FBXL7: variants seen among roughly 807,000 people sequenced by gnomAD.
The protein encoded by FBXL7 is F-box/LRR-repeat protein 7.
A neutral mutation model predicts 38.3 loss-of-function variants in FBXL7; 12 were observed. The observed-to-expected ratio is 0.31, with a 90% CI of 0.20 to 0.51. The LOEUF (loss-of-function observed/expected upper bound fraction) is 0.51. Ranked by LOEUF, FBXL7 falls within the 20% of genes least tolerant of loss-of-function variation. The pLI, the probability that FBXL7 is intolerant of heterozygous loss-of-function variation, is 0.98. For missense variants in FBXL7, 567 were observed against 676.4 expected, an observed-to-expected ratio of 0.84 and a Z score of 1.79; for synonymous variants, 297 against 300.9, an observed-to-expected ratio of 0.99 and a Z score of 0.13.
In FBXL7 at chr5:15,927,764, T is replaced by TAAAAAAAAAAAA. The variant is rs753935096; in HGVS notation, c.128-114_128-103dup. Reference sequence around the variant, plus strand: ...CACTCCCGCCTGGGCGACAAGATCTTAAAAAAAAAAAAAAAAAAAAAAAGA... The same window carrying TAAAAAAAAAAAA: ...CACTCCCGCCTGGGCGACAAGATCTTAAAAAAAAAAAAAAAAAAAAAAAAAAAAAAAAAAAGA... On this transcript the variant is annotated intron_variant, in intron 2 of 3. Coordinates refer to ENST00000504595, the MANE Select transcript of FBXL7 (RefSeq NM_012304.5). The TAAAAAAAAAAAA allele has an allele frequency of 1.0e-3, 458 of 456,458 alleles. 4 individuals are homozygous for TAAAAAAAAAAAA. Among genetic ancestry groups the TAAAAAAAAAAAA allele is most frequent in the African/African-American group, 6.9e-3 (190 of 27,368 alleles). The allele number at this position is 456,458 out of a possible 1,614,324, so 28.3% of individuals were successfully genotyped here. A position where few individuals can be genotyped will look rare whatever the true frequency, so the allele number is the denominator to read the frequency against.
At chr5:15,534,181 T>A (rs1737516367) in intron 1 of FBXL7, among the ~76,000 whole-genome samples, 1 of 152,182 alleles carries the variant, frequency 6.6e-6, no homozygotes, top group Admixed American at 6.5e-5. Context: ...CACATCATTA[T>A]CACCCAAAAT....
chr5:15,866,575 G>A (rs1410466988), intron 2 of FBXL7, among the ~76,000 whole-genome samples: 1 of 151,714 alleles, frequency 6.6e-6, no homozygotes, highest in East Asian at 1.9e-4. Context: ...GGATACATGT[G>A]CAGAATGTGC....
Position 15,928,527 on chromosome 5 carries a change from A to G in FBXL7, c.739+26A>G. The G allele has an allele frequency of 6.3e-7, 1 of 1,588,170 alleles. No individual in the cohort carries two copies. Among genetic ancestry groups the G allele is most frequent in the Non-Finnish European group, 8.6e-7 (1 of 1,165,344 alleles). On this transcript the variant is annotated intron_variant, in intron 3 of 3. Coordinates refer to ENST00000504595, the MANE Select transcript of FBXL7 (RefSeq NM_012304.5). This position sits in a 1 kb window ranked among gnomAD's most constrained non-coding sequence, Gnocchi z 4.0. ...GTAAATGGACACTGACCTACCAGCT[A>G]TGGGCCCTCCTGGTGCACCATCCTA...
At chr5:15,711,554 A>T (rs1045123977) in intron 2 of FBXL7, among the ~76,000 whole-genome samples, 6 of 152,226 alleles carry the variant, frequency 3.9e-5, no homozygotes, top group Non-Finnish European at 8.8e-5. Context: ...ATACAATTCA[A>T]TCCATAACAG....
At chr5:15,592,592 A>G (rs1016587736) in intron 1 of FBXL7, among the ~76,000 whole-genome samples, 4 of 152,218 alleles carry the variant, frequency 2.6e-5, no homozygotes, top group African/African-American at 9.7e-5. Flanking sequence ...TACTGCTGAC[A>G]GCCTCATGGA....
intron 2 of FBXL7, among the ~76,000 whole-genome samples, chr5:15,869,782 C>T (rs536327354): frequency 2.0e-5 from 3 of 152,196 alleles, no homozygotes; most frequent in Admixed American, 6.5e-5. Flanking sequence ...TGTAATCTCA[C>T]GGTTTTCATC....
At chr5:15,526,578 A>G (rs956571148) in intron 1 of FBXL7, among the ~76,000 whole-genome samples, 3 of 152,176 alleles carry the variant, frequency 2.0e-5, no homozygotes, top group Admixed American at 6.5e-5. Context: ...CCCTTATTCA[A>G]AACAGACTGG....
intron 2 of FBXL7, among the ~76,000 whole-genome samples, chr5:15,625,661 C>T (rs1429034): frequency 0.058 from 8,848 of 152,074 alleles, 708 homozygotes; most frequent in East Asian, 0.36. Flanking sequence ...CTCAAAAAAA[C>T]CAACCAGCCA....
chr5:15,666,386 T>C (rs1160396668), intron 2 of FBXL7, among the ~76,000 whole-genome samples: 1 of 152,228 alleles, frequency 6.6e-6, no homozygotes, highest in Admixed American at 6.5e-5. Context: ...CACTATCTAC[T>C]ATATTTACAA....
At chr5:15,895,068 G>A (rs545260914) in intron 2 of FBXL7, among the ~76,000 whole-genome samples, 1 of 152,242 alleles carries the variant, frequency 6.6e-6, no homozygotes, top group South Asian at 2.1e-4. Context: ...GTTCAAAACT[G>A]TCAATATTCT....
At chr5:15,917,640 G>GGAA (rs1228427359) in intron 2 of FBXL7, among the ~76,000 whole-genome samples, 1 of 39,988 alleles carries the variant, frequency 2.5e-5, no homozygotes, top group Non-Finnish European at 5.3e-5. Flanking sequence ...AGTAAAGGAA[G>GGAA]GGAGGGAAGG....
chr5:15,710,939 T>G (rs1743843711), intron 2 of FBXL7, among the ~76,000 whole-genome samples: 1 of 152,148 alleles, frequency 6.6e-6, no homozygotes, highest in Admixed American at 6.5e-5. Flanking sequence ...CACGTTGTCA[T>G]GGGAGGAACC....
At chr5:15,861,902 A>G (rs1579532986) in intron 2 of FBXL7, among the ~76,000 whole-genome samples, 1 of 152,306 alleles carries the variant, frequency 6.6e-6, no homozygotes, top group Non-Finnish European at 1.5e-5. Flanking sequence ...ACAAATACAT[A>G]TTTTAATATA....
intron 2 of FBXL7, among the ~76,000 whole-genome samples, chr5:15,673,765 TA>T (rs1206072738): frequency 6.6e-6 from 1 of 152,060 alleles, no homozygotes; most frequent in African/African-American, 2.4e-5. Context: ...TCTTGGCTCT[TA>T]ATTATTATTA....
chr5:15,850,059 T>C (rs1739046572), intron 2 of FBXL7, among the ~76,000 whole-genome samples: 1 of 152,216 alleles, frequency 6.6e-6, no homozygotes, highest in African/African-American at 2.4e-5. Context: ...CTTCTGCCTG[T>C]ATAGATTAGA....
At chr5:15,640,738 G>T (rs1741339206) in intron 2 of FBXL7, among the ~76,000 whole-genome samples, 1 of 152,162 alleles carries the variant, frequency 6.6e-6, no homozygotes, top group Non-Finnish European at 1.5e-5. Context: ...TGGCCAGGCT[G>T]TTCTCAAACA....
At chr5:15,723,718 G>T (rs1744266772) in intron 2 of FBXL7, among the ~76,000 whole-genome samples, 1 of 152,164 alleles carries the variant, frequency 6.6e-6, no homozygotes, top group Non-Finnish European at 1.5e-5. Flanking sequence ...AATTATAAGT[G>T]TACATAATTT....
At position 15,936,305 on chromosome 5, in the gene FBXL7, C is replaced by T; in HGVS notation, c.740-145C>T. The T allele has an allele frequency of 1.1e-6, 1 of 889,202 alleles. No individual in the cohort carries two copies. The highest frequency in any genetic ancestry group is 1.7e-6 in the Non-Finnish European group (1 of 603,190). 55.1% of individuals were successfully genotyped at this position (889,202 alleles called of 1,614,324 possible). A position where few individuals can be genotyped will look rare whatever the true frequency, so the allele number is the denominator to read the frequency against. ...TATGGGGAACCCATTCTTGCATTTC[C>T]TCTCTATAGAGACCAAGACAGGAAA... is the stretch of plus-strand genomic sequence containing the variant. On this transcript the variant is annotated intron_variant, in intron 3 of 3. Transcript: ENST00000504595. This position sits in a 1 kb window ranked among gnomAD's most constrained non-coding sequence, Gnocchi z 6.0.
intron 2 of FBXL7, among the ~76,000 whole-genome samples, chr5:15,792,936 G>C (rs149730491): frequency 7.2e-5 from 11 of 152,190 alleles, no homozygotes; most frequent in African/African-American, 2.4e-4. Flanking sequence ...GGGAAGAATC[G>C]AGGAGAGGGG....
Sources: gnomAD v4.1 joint callset for allele counts (sites outside exome capture counted in the v4.1 genomes callset) on GRCh38, gnomAD v4.1.1 for gene constraint, Gnocchi (gnomAD v3.1) non-coding constraint, MANE v1.5 for transcripts, NCBI Gene and HGNC (gene_info 2026-07-23, HGNC 2026-07-21) for gene names.